Variants in MYT1 observed in about 807,000 individuals in gnomAD.
MYT1 encodes the protein myelin transcription factor I.
In MYT1, 23 loss-of-function variants were observed where a neutral mutation model predicts 123.0. The ratio of observed to expected loss-of-function variants is 0.19; its 90% CI spans 0.13 to 0.26. MYT1 has a LOEUF of 0.26. Ranked by LOEUF, MYT1 falls within the 10% of genes least tolerant of loss-of-function variation. The pLI is 1.00. For missense variants in MYT1, 1,125 were observed against 1,472.5 expected, an observed-to-expected ratio of 0.76 and a Z score of 3.86; for synonymous variants, 518 against 575.3, an observed-to-expected ratio of 0.90 and a Z score of 1.43.
At chr20:64,237,682 T>C (rs866526311) in intron 21 of MYT1, among the ~76,000 whole-genome samples, 32 of 152,218 alleles carry the variant, frequency 2.1e-4, no homozygotes, top group African/African-American at 7.5e-4. Flanking sequence ...CCATTAAGAT[T>C]AGCAGCACTG....
intron 19 of MYT1, among the ~76,000 whole-genome samples, chr20:64,234,340 G>A (rs1984431683): frequency 1.3e-5 from 2 of 152,184 alleles, no homozygotes; most frequent in Admixed American, 1.3e-4. Flanking sequence ...ACCGGCAAGT[G>A]GGTCATGTGG....
chr20:64,185,371 A>AAGAG lies in MYT1; in HGVS notation c.-98-4692_-98-4691insAGAG, dbSNP rs1982771043. Among the ~76,000 whole-genome samples, 1 of 152,110 alleles carries AAGAG rather than the reference A, an allele frequency of 6.6e-6. No individual in the cohort carries two copies. The highest frequency in any genetic ancestry group is 6.5e-5 in the Admixed American group (1 of 15,268). ...AGAATGGAGGTGTGGGCTCCTCTCA[A>AAGAG]GTGACTACCCTTCCCCTCTTTGCTG... is the stretch of plus-strand genomic sequence containing the variant. On this transcript the variant is annotated intron_variant, in intron 1 of 22. Coordinates refer to ENST00000328439, the MANE Select transcript of MYT1 (RefSeq NM_004535.3). The surrounding 1 kb of genome is among the most constrained non-coding windows in gnomAD (Gnocchi z 4.5).
intron 20 of MYT1, among the ~76,000 whole-genome samples, chr20:64,237,044 CT>C (rs1210700596): frequency 3.9e-5 from 6 of 152,196 alleles, no homozygotes; most frequent in Non-Finnish European, 8.8e-5. Flanking sequence ...AGATTTAAGC[CT>C]TTCCACCTGC....
chr20:64,182,000 T>C (rs1030729653), intron 1 of MYT1, among the ~76,000 whole-genome samples: 1 of 151,936 alleles, frequency 6.6e-6, no homozygotes, highest in Non-Finnish European at 1.5e-5. Context: ...CCCCCAGGAG[T>C]CTACTGTGAC....
rs914411530 is a variant in MYT1, at chr20:64,232,065, C to T, written c.2676-99C>T. The T allele has an allele frequency of 1.6e-6, 2 of 1,240,194 alleles. No homozygotes were observed. Among genetic ancestry groups the T allele is most frequent in the South Asian group, 2.6e-5 (2 of 76,700 alleles). 76.8% of individuals were successfully genotyped at this position (1,240,194 alleles called of 1,614,324 possible). On this transcript the variant is annotated intron_variant, in intron 18 of 22. Coordinates refer to ENST00000328439, the MANE Select transcript of MYT1 (RefSeq NM_004535.3). The surrounding 1 kb of genome is among the most constrained non-coding windows in gnomAD (Gnocchi z 6.9). ...GCCTCACTCAGAAGCCCTTTAACGG[C>T]TCTGAGTTGGGCTCCCCTTGTGTCT...
rs868501287 is a variant in MYT1 at position 64,236,025 on chromosome 20, C to T, written c.2898-530C>T. On this transcript the variant is annotated intron_variant, in intron 19 of 22. Transcript: ENST00000328439. ...CCGCGGTGGGTGACCCTGGGCTGGCCGCGGTGGGTGACCCTGGGATGGTCG... is the reference window on the plus strand; with the variant it reads ...CCGCGGTGGGTGACCCTGGGCTGGCTGCGGTGGGTGACCCTGGGATGGTCG... Among the ~76,000 whole-genome samples the T allele has an allele frequency of 2.3e-3, 222 of 94,518 alleles. 12 individuals carry two copies. Among genetic ancestry groups the T allele is most frequent in the African/African-American group, 0.011 (206 of 17,990 alleles). The allele number at this position is 94,518 out of a possible 152,430, so 62.0% of individuals were successfully genotyped here. A position where few individuals can be genotyped will look rare whatever the true frequency, so the allele number is the denominator to read the frequency against.
intron 1 of MYT1, among the ~76,000 whole-genome samples, chr20:64,178,233 T>A (rs558125875): frequency 1.3e-5 from 2 of 152,370 alleles, no homozygotes; most frequent in African/African-American, 4.8e-5. Flanking sequence ...CTGTTTCTCC[T>A]GAGCGTTTGA....
rs1054961076 is a variant in MYT1, at chr20:64,166,758, T to G, written c.-99+2019T>G. The stretch of plus-strand genomic sequence containing the variant: ...GGAAACACTCTCTGAGATGACCCCT[T>G]CTAGCCATGTGGGATGCAAAGTTGC... On this transcript the variant is annotated intron_variant, in intron 1 of 22. Coordinates refer to ENST00000328439, the MANE Select transcript of MYT1 (RefSeq NM_004535.3). This position sits in a 1 kb window ranked among gnomAD's most constrained non-coding sequence, Gnocchi z 4.9. 2.0e-5 allele frequency among the ~76,000 whole-genome samples: 3 copies of G among 152,162 alleles called. No individual in the cohort carries two copies. Among genetic ancestry groups the G allele is most frequent in the African/African-American group, 7.2e-5 (3 of 41,434 alleles).
chr20:64,204,079 C>T (rs890382098), intron 4 of MYT1, among the ~76,000 whole-genome samples: 2 of 152,224 alleles, frequency 1.3e-5, no homozygotes, highest in African/African-American at 4.8e-5. Context: ...TCCTTGTAGT[C>T]CTTGAGCCGT....
intron 2 of MYT1, among the ~76,000 whole-genome samples, chr20:64,194,129 C>T (rs1357580421): frequency 6.6e-6 from 1 of 152,202 alleles, no homozygotes; most frequent in Non-Finnish European, 1.5e-5. Flanking sequence ...AAATGACATG[C>T]ACTAAGCAGC....
intron 3 of MYT1, 112 bp from the exon 4 acceptor site, chr20:64,199,780 C>G (rs944457799): frequency 1.8e-5 from 22 of 1,254,498 alleles, no homozygotes; most frequent in Admixed American, 5.1e-5. Context: ...GATTTGCCTC[C>G]ACTCGTCCTT....
At chr20:64,220,107 C>A (rs1214668601) in intron 13 of MYT1, 125 bp downstream of exon 13, 2 of 1,384,784 alleles carry the variant, frequency 1.4e-6, no homozygotes, top group Non-Finnish European at 1.9e-6. Context: ...CCTCGGGGAG[C>A]CATCCCTTTT....
Position 64,208,514 on chromosome 20 carries a change from G to A in MYT1, c.1291+27G>A. 6.4e-7 allele frequency: 1 copy of A among 1,557,626 alleles called. No homozygotes were observed. The highest frequency in any genetic ancestry group is 1.2e-5 in the South Asian group (1 of 81,646). On this transcript the variant is annotated intron_variant, in intron 7 of 22. Transcript: ENST00000328439. The surrounding 1 kb of genome is among the most constrained non-coding windows in gnomAD (Gnocchi z 5.4). ...TAGGGCTCAGGGGTGGCCTGGCCCT[G>A]CAGACTCATCCTTTCACCCCTGCCC...
Position 64,168,443 on chromosome 20 carries a change from T to C in MYT1, c.-99+3704T>C, listed in dbSNP as rs1014445127. ...TTACAATTTGCACTTAAAAATGCAA[T>C]GTTATTTTAATCGGGAACGAAAGTA... On this transcript the variant is annotated intron_variant, in intron 1 of 22. Transcript: ENST00000328439. This position sits in a 1 kb window ranked among gnomAD's most constrained non-coding sequence, Gnocchi z 6.1. Among the ~76,000 whole-genome samples the C allele has an allele frequency of 1.3e-5, 2 of 152,210 alleles. No individual in the cohort carries two copies. Among genetic ancestry groups the C allele is most frequent in the African/African-American group, 4.8e-5 (2 of 41,446 alleles).
rs1984735868 is a variant in MYT1 at position 64,242,191 on chromosome 20, C to T, written c.*1743C>T. 6.6e-6 allele frequency: 1 copy of T among 152,582 alleles called. No individual in the cohort carries two copies. The highest frequency in any genetic ancestry group is 1.5e-5 in the Non-Finnish European group (1 of 68,022). 9.5% of individuals were successfully genotyped at this position (152,582 alleles called of 1,614,324 possible). ...TCCTTCCTCAGGAAGCGCGTTGAAC[C>T]CACAGCACTCCGTGGTGTGTTTGCA... On this transcript the variant is annotated 3_prime_UTR_variant, in exon 23 of 23. Transcript: ENST00000328439.
intron 17 of MYT1, 57 bp from the exon 18 acceptor site, chr20:64,227,831 G>A: frequency 6.7e-7 from 1 of 1,498,098 alleles, no homozygotes; most frequent in Non-Finnish European, 9.2e-7. Flanking sequence ...AGATGAACGG[G>A]TGTGAGAAGC....
At chr20:64,239,609 A>T in intron 21 of MYT1, 151 bp from the exon 22 acceptor site, 2 of 1,091,972 alleles carry the variant, frequency 1.8e-6, no homozygotes, top group Non-Finnish European at 2.6e-6. Context: ...CACCTGTGGC[A>T]GAACCCCCTA....
chr20:64,233,913 G>A (rs1225362981), intron 19 of MYT1, among the ~76,000 whole-genome samples: 1 of 152,202 alleles, frequency 6.6e-6, no homozygotes, highest in Admixed American at 6.5e-5. Flanking sequence ...AAAGTTCTAA[G>A]CCAGGGCTTA....
Position 64,213,847 on chromosome 20 carries a change from C to A in MYT1, c.1631+200C>A, listed in dbSNP as rs1245172371. Among the ~76,000 whole-genome samples, 1 of 152,226 alleles carries A rather than the reference C, an allele frequency of 6.6e-6. No individual in the cohort carries two copies. The highest frequency in any genetic ancestry group is 1.9e-4 in the East Asian group (1 of 5,196). On this transcript the variant is annotated intron_variant, in intron 10 of 22. Transcript: ENST00000328439. This position sits in a 1 kb window ranked among gnomAD's most constrained non-coding sequence, Gnocchi z 5.6. ...ACTGCGGGGCAGTTTTGGAGCCACA[C>A]AGGACAGAGTCTCATGTCTACCACA...
Sources: gnomAD v4.1 joint callset for allele counts (sites outside exome capture counted in the v4.1 genomes callset) on GRCh38, gnomAD v4.1.1 for gene constraint, Gnocchi (gnomAD v3.1) non-coding constraint, MANE v1.5 for transcripts, NCBI Gene and HGNC (gene_info 2026-07-23, HGNC 2026-07-21) for gene names.